The following SAXO1 variants were observed in gnomAD, a reference collection of about 807,000 sequenced individuals.
SAXO1 encodes the protein 4930500O09Rik.
SAXO1 carries 21 observed loss-of-function variants against 17.5 expected under a neutral mutation model. The ratio of observed to expected loss-of-function variants is 1.20; its 90% CI spans 0.85 to 1.72. The LOEUF (loss-of-function observed/expected upper bound fraction) is 1.72, where lower values mean the gene tolerates loss of function less well. SAXO1 is among the 40% of genes most tolerant of loss of function. The pLI is 0.00. For synonymous variants in SAXO1, 274 were observed against 216.5 expected, an observed-to-expected ratio of 1.27 and a Z score of -2.33; for missense variants, 843 against 596.0, an observed-to-expected ratio of 1.41 and a Z score of -4.32.
At chr9:18,985,205 G>A (rs549972121) in intron 1 of SAXO1, among the ~76,000 whole-genome samples, 2 of 152,012 alleles carry the variant, frequency 1.3e-5, no homozygotes, top group African/African-American at 2.4e-5. Context: ...TGTCTTATAC[G>A]GGCGTGGCTC....
chr9:18,972,128 G>C (rs543473900), intron 1 of SAXO1, among the ~76,000 whole-genome samples: 156 of 152,196 alleles, frequency 1.0e-3, no homozygotes, highest in Non-Finnish European at 1.5e-3. Flanking sequence ...GGACCTCCCA[G>C]ATGCTGGCAA....
intron 1 of SAXO1, among the ~76,000 whole-genome samples, chr9:19,008,270 G>A (rs1456122872): frequency 2.0e-5 from 3 of 152,092 alleles, no homozygotes; most frequent in African/African-American, 7.2e-5. Context: ...GAGCCACCAT[G>A]CCCAGCCTAC....
intron 1 of SAXO1, among the ~76,000 whole-genome samples, chr9:19,015,728 C>T (rs1834949360): frequency 6.6e-6 from 1 of 151,684 alleles, no homozygotes; most frequent in Non-Finnish European, 1.5e-5. Flanking sequence ...ATCCTTCTGC[C>T]TCAGCCTCCC....
In SAXO1 at chr9:19,027,639, G is replaced by C. The variant is rs1050112575; in HGVS notation, c.38+5232C>G. ...ACTGGAGATGGTGCCAAGCTAGTCC[G>C]GGATGCCTTCGCCCTGGCCAAGGAG... On this transcript the variant is annotated intron_variant, in intron 1 of 3. Transcript: ENST00000380534. 18 of 1,412,538 alleles carry C rather than the reference G, an allele frequency of 1.3e-5. No homozygotes were observed. The African/African-American group carries it at 2.4e-4, about 19-fold the overall frequency. The allele number at this position is 1,412,538 out of a possible 1,614,324, so 87.5% of individuals were successfully genotyped here. A position where few individuals can be genotyped will look rare whatever the true frequency, so the allele number is the denominator to read the frequency against.
chr9:18,958,478 C>G (rs1832345005), intron 1 of SAXO1, among the ~76,000 whole-genome samples: 2 of 151,884 alleles, frequency 1.3e-5, no homozygotes, highest in Admixed American at 1.3e-4. Context: ...CTCAGGCAAC[C>G]AGAAATTGGA....
At chr9:19,022,795 C>T (rs1393530190) in intron 1 of SAXO1, among the ~76,000 whole-genome samples, 1 of 152,114 alleles carries the variant, frequency 6.6e-6, no homozygotes, top group Admixed American at 6.5e-5. Context: ...CATTTAGAAA[C>T]ATTTTTCTTT....
upstream of SAXO1, chr9:19,033,321 G>A (rs568657062): frequency 2.8e-5 from 5 of 180,284 alleles, no homozygotes; most frequent in Admixed American, 1.2e-4. Flanking sequence ...TTGTGAGGTC[G>A]GGAAGCTCCC....
intron 1 of SAXO1, among the ~76,000 whole-genome samples, chr9:18,973,609 C>A (rs927810672): frequency 1.3e-5 from 2 of 152,210 alleles, no homozygotes; most frequent in African/African-American, 4.8e-5. Context: ...ATAAGACAAG[C>A]TGGGTGTCTC....
intron 1 of SAXO1, among the ~76,000 whole-genome samples, chr9:18,961,249 C>T (rs1218397884): frequency 2.0e-5 from 3 of 151,756 alleles, no homozygotes; most frequent in South Asian, 2.1e-4. Context: ...CAGCTAAGTA[C>T]AGCCTCAACC....
chr9:19,008,737 T>G (rs1243562976), intron 1 of SAXO1, among the ~76,000 whole-genome samples: 1 of 152,188 alleles, frequency 6.6e-6, no homozygotes, highest in Non-Finnish European at 1.5e-5. Flanking sequence ...AGCCCGACTA[T>G]GACGACACTG....
intron 1 of SAXO1, among the ~76,000 whole-genome samples, chr9:18,967,779 C>A (rs7025316): frequency 0.18 from 27,621 of 151,734 alleles, 5,307 homozygotes; most frequent in African/African-American, 0.49. Flanking sequence ...GCGTTCCGGG[C>A]ACCATTGGGG....
At chr9:19,027,234 A>T (rs1835519943) in intron 1 of SAXO1, 1 of 1,128,520 alleles carries the variant, frequency 8.9e-7, no homozygotes, top group Admixed American at 1.7e-5. Context: ...TACACGACAG[A>T]CATACTTCCT....
Position 18,950,780 on chromosome 9 carries a change from T to C in SAXO1, c.196A>G (p.Met66Val), listed in dbSNP as rs1210631408. The C allele has an allele frequency of 3.1e-6, 5 of 1,613,056 alleles. No homozygotes were observed. Among genetic ancestry groups the C allele is most frequent in the Non-Finnish European group, 4.2e-6 (5 of 1,179,414 alleles). ...CACCTTGATGTAGTCAGGCCTTCCA[T>C]TGGTATAGGCCCTTTCTGGTACTCC... The part of the protein sequence containing the change: ...RREYQKGPIP[M>V]EGLTTSRRDF... Residue 66 changes from methionine to valine, a missense_variant, in exon 2 of 4, where the codon ATG becomes GTG. Met to Val is a conservative substitution (Grantham distance 21). Transcript: ENST00000380534.
chr9:18,968,224 T>C (rs1832806056), intron 1 of SAXO1, among the ~76,000 whole-genome samples: 2 of 152,198 alleles, frequency 1.3e-5, no homozygotes, highest in Admixed American at 6.5e-5. Context: ...TTTTTGTTAT[T>C]TGTAGAGATG....
intron 1 of SAXO1, among the ~76,000 whole-genome samples, chr9:19,020,873 A>C (rs1357596244): frequency 6.6e-6 from 1 of 152,172 alleles, no homozygotes; most frequent in East Asian, 1.9e-4. Flanking sequence ...AGCAGGTAAA[A>C]AGCCATCTGT....
Position 18,950,701 on chromosome 9 carries a change from C to A in SAXO1, c.218+57G>T. 4 of 1,468,078 alleles carry A rather than the reference C, an allele frequency of 2.7e-6. No homozygotes were observed. The South Asian group carries it at 5.0e-5, about 18-fold the overall frequency. The allele number at this position is 1,468,078 out of a possible 1,614,324, so 90.9% of individuals were successfully genotyped here. A position where few individuals can be genotyped will look rare whatever the true frequency, so the allele number is the denominator to read the frequency against. ...ACATTAATATTATACATTAGCACTG[C>A]ATGTTACTCCATTAGTGTTGTATGT... On this transcript the variant is annotated intron_variant, in intron 2 of 3. Coordinates refer to ENST00000380534, the MANE Select transcript of SAXO1 (RefSeq NM_153707.4).
At chr9:19,016,717 C>T (rs568473798) in intron 1 of SAXO1, among the ~76,000 whole-genome samples, 3 of 151,358 alleles carry the variant, frequency 2.0e-5, no homozygotes, top group East Asian at 3.9e-4. Context: ...TAAGTTGAGC[C>T]TTTTCATAAA....
intron 1 of SAXO1, among the ~76,000 whole-genome samples, chr9:19,023,018 G>C (rs897464005): frequency 6.6e-6 from 1 of 152,116 alleles, no homozygotes; most frequent in South Asian, 2.1e-4. Context: ...ATAAATGCTG[G>C]ACTCAAGTGT....
rs774900355 is a variant in SAXO1, at chr9:19,033,010, T to G, written c.-102A>C. 33 of 1,200,202 alleles carry G rather than the reference T, an allele frequency of 2.7e-5. No individual in the cohort carries two copies. Among genetic ancestry groups the G allele is most frequent in the Non-Finnish European group, 3.6e-5 (32 of 882,872 alleles). 74.3% of individuals were successfully genotyped at this position (1,200,202 alleles called of 1,614,324 possible). On this transcript the variant is annotated 5_prime_UTR_variant, in exon 1 of 4. Coordinates refer to ENST00000380534, the MANE Select transcript of SAXO1 (RefSeq NM_153707.4). ...CTTGGGGCACGCCCAGGCTCGAGGG[T>G]CTTGGCAGGTGTTCTGTTTACTCGA...
Sources: gnomAD v4.1 joint callset for allele counts (sites outside exome capture counted in the v4.1 genomes callset) on GRCh38, gnomAD v4.1.1 for gene constraint, MANE v1.5 for transcripts, NCBI Gene and HGNC (gene_info 2026-07-23, HGNC 2026-07-21) for gene names.